DTL: variants seen among roughly 807,000 people sequenced by gnomAD.
DTL encodes denticleless protein homolog.
A neutral mutation model predicts 87.0 loss-of-function variants in DTL; 46 were observed. The ratio of observed to expected loss-of-function variants is 0.53; its 90% CI spans 0.42 to 0.68. The LOEUF is 0.68. Ranked by LOEUF, DTL falls within the 30% of genes least tolerant of loss-of-function variation. DTL has a pLI of 0.00. For missense variants in DTL, 737 were observed against 869.4 expected (o/e 0.85, Z 1.91); for synonymous variants, 308 against 311.2 (o/e 0.99, Z 0.11).
At chr1:212,086,943 G>A (rs956077892) in intron 13 of DTL, among the ~76,000 whole-genome samples, 9 of 152,054 alleles carry the variant, frequency 5.9e-5, no homozygotes, top group African/African-American at 1.9e-4. Context: ...TTTTAACTAT[G>A]TACTTTTAGT....
intron 5 of DTL, among the ~76,000 whole-genome samples, chr1:212,056,559 T>C (rs962329349): frequency 6.6e-6 from 1 of 151,718 alleles, no homozygotes; most frequent in Non-Finnish European, 1.5e-5. Context: ...TGCACAAATA[T>C]CAACATAAAA....
At chr1:212,071,330 G>A (rs1471243682) in intron 10 of DTL, among the ~76,000 whole-genome samples, 2 of 152,120 alleles carry the variant, frequency 1.3e-5, no homozygotes, top group East Asian at 3.8e-4. Flanking sequence ...TCCTAGTAGT[G>A]TTCTGATGTC....
chr1:212,083,543 A>C (rs1655044296), intron 13 of DTL, among the ~76,000 whole-genome samples: 1 of 152,222 alleles, frequency 6.6e-6, no homozygotes, highest in East Asian at 1.9e-4. Context: ...ATTGAAATTA[A>C]GATAATGGAA....
chr1:212,064,132 T>C (rs1654420347), intron 6 of DTL, among the ~76,000 whole-genome samples: 1 of 152,166 alleles, frequency 6.6e-6, no homozygotes, highest in South Asian at 2.1e-4. Flanking sequence ...CCTCAGGCAA[T>C]CTGCCTGCCT....
At chr1:212,082,608 T>C (rs1195522392) in intron 13 of DTL, among the ~76,000 whole-genome samples, 1 of 152,022 alleles carries the variant, frequency 6.6e-6, no homozygotes, top group Non-Finnish European at 1.5e-5. Context: ...GTGGAATATA[T>C]AAGCATGGTG....
At chr1:212,039,099 C>A (rs1156403462) in intron 1 of DTL, among the ~76,000 whole-genome samples, 2 of 152,086 alleles carry the variant, frequency 1.3e-5, no homozygotes, top group Non-Finnish European at 2.9e-5. Context: ...CTGTCATACC[C>A]TTCTGTGTCA....
chr1:212,081,345 T>A lies in DTL; in HGVS notation c.1261+595T>A, dbSNP rs57590885. On this transcript the variant is annotated intron_variant, in intron 13 of 14. Coordinates refer to ENST00000366991, the MANE Select transcript of DTL (RefSeq NM_016448.4). Reference sequence around the variant, plus strand: ...GCAGGAGCATGCTTGGCATATTTTCTCTTCCTCAGAGAGGCTAGCATGGCT... The same window carrying A: ...GCAGGAGCATGCTTGGCATATTTTCACTTCCTCAGAGAGGCTAGCATGGCT... 4.0e-3 allele frequency among the ~76,000 whole-genome samples: 607 copies of A among 152,322 alleles called. 3 individuals carry two copies. Among genetic ancestry groups the A allele is most frequent in the African/African-American group, 0.014 (584 of 41,566 alleles).
At chr1:212,068,524 T>C (rs773133131) in intron 9 of DTL, 75 bp from the exon 10 acceptor site, 63 of 1,009,638 alleles carry the variant, frequency 6.2e-5, no homozygotes, top group Non-Finnish European at 9.1e-5. Context: ...AAATGATCTA[T>C]TTTTGTCTCT....
At chr1:212,048,959 G>C (rs910075705) in intron 5 of DTL, among the ~76,000 whole-genome samples, 2 of 152,098 alleles carry the variant, frequency 1.3e-5, no homozygotes, top group East Asian at 1.9e-4. Context: ...GTCTCACTCT[G>C]TTGCCCAGGC....
chr1:212,072,778 T>TA (rs143248029), intron 11 of DTL, among the ~76,000 whole-genome samples: 42,976 of 142,024 alleles, frequency 0.3, 7,897 homozygotes, highest in Middle Eastern at 0.42. Context: ...TTTTTTTTTT[T>TA]ATTGAGATGG....
chr1:212,084,347 A>AT (rs1655069946), intron 13 of DTL, among the ~76,000 whole-genome samples: 1 of 151,750 alleles, frequency 6.6e-6, no homozygotes, highest in African/African-American at 2.4e-5. Context: ...CACCATGCCC[A>AT]GCTAATTTTT....
Position 212,044,665 on chromosome 1 carries a change from A to G in DTL, c.184A>G (p.Asn62Asp). 1 of 1,595,710 alleles carries G rather than the reference A, an allele frequency of 6.3e-7. No homozygotes were observed. Among genetic ancestry groups the G allele is most frequent in the South Asian group, 1.1e-5 (1 of 88,220 alleles). ...TTTCTTTATTTCTGCTTTAGCTCCC[A>G]ATATGGAACATGTACTAGCAGTTGC... ...PFGCTFSSAPNMEHVLAVANE... is the reference protein window; with the variant it reads ...PFGCTFSSAPDMEHVLAVANE... Residue 62 changes from asparagine (N) to aspartate (D), a missense_variant, in exon 3 of 15, where the codon AAT becomes GAT. By Grantham distance (23) the Asn-to-Asp change is conservative. Coordinates refer to ENST00000366991, the MANE Select transcript of DTL (RefSeq NM_016448.4).
chr1:212,048,372 T>C (rs964814724), intron 5 of DTL, among the ~76,000 whole-genome samples: 2 of 152,118 alleles, frequency 1.3e-5, no homozygotes, highest in African/African-American at 4.8e-5. Context: ...TTTGTGTTTT[T>C]AGTAGATCTG....
chr1:212,073,914 C>T (rs533934060), intron 11 of DTL, among the ~76,000 whole-genome samples: 14 of 151,988 alleles, frequency 9.2e-5, no homozygotes, highest in Middle Eastern at 3.4e-3. Flanking sequence ...GGTCTTAATG[C>T]TTATTTTGCT....
intron 13 of DTL, among the ~76,000 whole-genome samples, chr1:212,091,009 C>G (rs1035605013): frequency 6.6e-6 from 1 of 152,164 alleles, no homozygotes; most frequent in African/African-American, 2.4e-5. Flanking sequence ...CTAATGGCAG[C>G]GTTAAATGTG....
At chr1:212,089,553 C>T (rs139531634) in intron 13 of DTL, among the ~76,000 whole-genome samples, 12 of 152,154 alleles carry the variant, frequency 7.9e-5, no homozygotes, top group Non-Finnish European at 1.3e-4. Context: ...CCTGTTTCCA[C>T]CCTCTTCCCC....
In DTL at chr1:212,095,528, G is replaced by T. The variant is rs541431187; in HGVS notation, c.1262-4724G>T. ...GCTAATTTTTGTATTTTTAGATGGGGTTTCACCATGTTGGCCAGGCTGGTC... is the reference window on the plus strand; with the variant it reads ...GCTAATTTTTGTATTTTTAGATGGGTTTTCACCATGTTGGCCAGGCTGGTC... On this transcript the variant is annotated intron_variant, in intron 13 of 14. Coordinates refer to ENST00000366991, the MANE Select transcript of DTL (RefSeq NM_016448.4). Among the ~76,000 whole-genome samples, 7 of 152,186 alleles carry T rather than the reference G, an allele frequency of 4.6e-5. No individual in the cohort carries two copies. In the South Asian group the frequency reaches 1.5e-3, roughly 32 times the overall value.
At chr1:212,059,301 T>C (rs61828545) in intron 5 of DTL, among the ~76,000 whole-genome samples, 1 of 147,282 alleles carries the variant, frequency 6.8e-6, no homozygotes, top group African/African-American at 2.5e-5. Flanking sequence ...CAACAGCACA[T>C]TAAAAAAAAA....
At chr1:212,089,287 G>T (rs564035258) in intron 13 of DTL, among the ~76,000 whole-genome samples, 7 of 152,210 alleles carry the variant, frequency 4.6e-5, no homozygotes, top group South Asian at 2.1e-4. Flanking sequence ...ATTTAAATGT[G>T]TAGGCCCATA....
Sources: gnomAD v4.1 joint callset for allele counts (sites outside exome capture counted in the v4.1 genomes callset) on GRCh38, gnomAD v4.1.1 for gene constraint, MANE v1.5 for transcripts, NCBI Gene and HGNC (gene_info 2026-07-23, HGNC 2026-07-21) for gene names.